The following NALCN variants were observed in gnomAD, a reference collection of about 807,000 sequenced individuals.
NALCN encodes sodium leak channel NALCN.
A neutral mutation model predicts 225.3 loss-of-function variants in NALCN; 111 were observed. The observed-to-expected ratio is 0.49, with a 90% CI of 0.42 to 0.58. The LOEUF (loss-of-function observed/expected upper bound fraction) is 0.58, where lower values mean the gene tolerates loss of function less well. Among genes scored for constraint, NALCN ranks in the 20% least tolerant of loss-of-function variants. The pLI, the probability that NALCN is intolerant of heterozygous loss-of-function variation, is 0.00. For missense variants in NALCN, 1,378 were observed against 2,202.4 expected (o/e 0.63, Z 7.49); for synonymous variants, 764 against 769.0 (o/e 0.99, Z 0.11).
chr13:101,187,296 G>C, intron 14 of NALCN, among the ~76,000 whole-genome samples: 1 of 152,084 alleles, frequency 6.6e-6, no homozygotes, highest in East Asian at 1.9e-4. Context: ...AAAACACATA[G>C]TATATATAGG....
At chr13:101,156,320 T>C (rs1274965347) in intron 15 of NALCN, among the ~76,000 whole-genome samples, 3 of 152,182 alleles carry the variant, frequency 2.0e-5, no homozygotes, top group Non-Finnish European at 2.9e-5. Context: ...ACTTGTTTTA[T>C]TGGAGAATGT....
chr13:101,119,876 T>A (rs1238390272), intron 18 of NALCN, among the ~76,000 whole-genome samples: 1 of 152,226 alleles, frequency 6.6e-6, no homozygotes, highest in East Asian at 1.9e-4. Flanking sequence ...AAGTGAATCA[T>A]CTGCATTTTA....
Position 101,271,535 on chromosome 13 carries a change from C to T in NALCN, c.1134+12398G>A, listed in dbSNP as rs549171042. Among the ~76,000 whole-genome samples the T allele has an allele frequency of 9.4e-4, 142 of 151,580 alleles. 1 individual carries two copies. Among genetic ancestry groups the T allele is most frequent in the African/African-American group, 3.3e-3 (135 of 41,126 alleles). ...TAACCATTTTTATATTCACTTTTTC[C>T]TACAAACTTTTCCTCCAAGCAGTTG... is the stretch of plus-strand genomic sequence containing the variant. On this transcript the variant is annotated intron_variant, in intron 10 of 43. Transcript: ENST00000251127.
At chr13:101,192,719 C>T (rs1026841547) in intron 13 of NALCN, among the ~76,000 whole-genome samples, 1 of 152,112 alleles carries the variant, frequency 6.6e-6, no homozygotes, top group Non-Finnish European at 1.5e-5. Context: ...CCAACAAAGG[C>T]CAGCCAAGCT....
chr13:101,380,858 ACACAC>A (rs2046828693), intron 3 of NALCN, among the ~76,000 whole-genome samples: 1 of 23,182 alleles, frequency 4.3e-5, no homozygotes, highest in Admixed American at 3.3e-4. Context: ...TGCCTAGCTA[ACACAC>A]ACACACACAC....
intron 9 of NALCN, among the ~76,000 whole-genome samples, chr13:101,284,689 C>T (rs2139011371): frequency 6.6e-6 from 1 of 152,272 alleles, no homozygotes; most frequent in East Asian, 1.9e-4. Context: ...ATGAAGGGAA[C>T]AAGTAGTTTC....
chr13:101,300,228 G>A (rs2043902926), intron 7 of NALCN, among the ~76,000 whole-genome samples: 1 of 152,024 alleles, frequency 6.6e-6, no homozygotes, highest in South Asian at 2.1e-4. Flanking sequence ...TTACTTGGGA[G>A]GATGTTACCA....
chr13:101,159,994 G>A lies in NALCN; in HGVS notation c.1840-15098C>T, dbSNP rs371700701. Reference sequence around the variant, plus strand: ...TTTTGAGACGGAGTCTCATTCTGTCGCCCAGGCTGAAGTGCAGCGGTGCGA... The same window carrying A: ...TTTTGAGACGGAGTCTCATTCTGTCACCCAGGCTGAAGTGCAGCGGTGCGA... On this transcript the variant is annotated intron_variant, in intron 15 of 43. Coordinates refer to ENST00000251127, the MANE Select transcript of NALCN (RefSeq NM_052867.4). Among the ~76,000 whole-genome samples the A allele has an allele frequency of 1.1e-4, 17 of 151,274 alleles. 1 individual carries two copies. Among genetic ancestry groups the A allele is most frequent in the South Asian group, 2.1e-4 (1 of 4,764 alleles).
intron 1 of NALCN, among the ~76,000 whole-genome samples, chr13:101,414,981 C>G (rs1486970028): frequency 6.6e-6 from 1 of 151,704 alleles, no homozygotes; most frequent in Non-Finnish European, 1.5e-5. Flanking sequence ...AAAATCGACT[C>G]TAGAAAAGCA....
intron 9 of NALCN, among the ~76,000 whole-genome samples, chr13:101,286,962 A>G (rs1316984644): frequency 6.6e-6 from 1 of 152,086 alleles, no homozygotes; most frequent in Non-Finnish European, 1.5e-5. Flanking sequence ...ATATCTTCAC[A>G]TCAATAAAGT....
At chr13:101,182,279 T>A (rs1183729084) in intron 14 of NALCN, among the ~76,000 whole-genome samples, 1 of 152,004 alleles carries the variant, frequency 6.6e-6, no homozygotes, top group Non-Finnish European at 1.5e-5. Context: ...CCAGCTGCAC[T>A]GACTCCTCAA....
chr13:101,142,256 C>T (rs1314202465), intron 17 of NALCN, among the ~76,000 whole-genome samples: 1 of 149,556 alleles, frequency 6.7e-6, no homozygotes, highest in Non-Finnish European at 1.5e-5. Context: ...ATTCTCCTGC[C>T]TCAGCCTCCC....
intron 7 of NALCN, among the ~76,000 whole-genome samples, chr13:101,310,240 C>A (rs527548595): frequency 6.6e-6 from 1 of 152,298 alleles, no homozygotes; most frequent in Non-Finnish European, 1.5e-5. Context: ...GGCTTTCCAT[C>A]TCATTTAAAA....
At chr13:101,059,618 C>A (rs1380133717) in intron 42 of NALCN, among the ~76,000 whole-genome samples, 200 bp downstream of exon 42, 1 of 150,642 alleles carries the variant, frequency 6.6e-6, no homozygotes, top group Non-Finnish European at 1.5e-5. Flanking sequence ...ATAACCTCAA[C>A]TGCATCCAAG....
At chr13:101,359,030 G>A (rs1300650351) in intron 6 of NALCN, among the ~76,000 whole-genome samples, 1 of 152,052 alleles carries the variant, frequency 6.6e-6, no homozygotes, top group East Asian at 1.9e-4. Context: ...TCTGTCGCGG[G>A]GTGAGGGGCA....
At chr13:101,217,363 A>G (rs866697778) in intron 13 of NALCN, among the ~76,000 whole-genome samples, 1 of 152,190 alleles carries the variant, frequency 6.6e-6, no homozygotes. Context: ...GAACTGTTGC[A>G]TATTGCCTTA....
intron 37 of NALCN, among the ~76,000 whole-genome samples, chr13:101,069,729 T>A (rs978108403): frequency 6.6e-6 from 1 of 152,186 alleles, no homozygotes; most frequent in Non-Finnish European, 1.5e-5. Flanking sequence ...ATCGAGTAAT[T>A]TTATGTAACA....
chr13:101,136,516 C>T (rs534106178), intron 17 of NALCN, among the ~76,000 whole-genome samples: 19 of 149,536 alleles, frequency 1.3e-4, no homozygotes, highest in African/African-American at 4.7e-4. Context: ...CAAGTGTTCT[C>T]ATTGTTCAGT....
intron 3 of NALCN, among the ~76,000 whole-genome samples, chr13:101,391,431 C>T (rs1379337123): frequency 6.6e-6 from 1 of 152,140 alleles, no homozygotes; most frequent in African/African-American, 2.4e-5. Flanking sequence ...GCCTGTAATC[C>T]CAGCACTTTG....
Sources: gnomAD v4.1 joint callset for allele counts (sites outside exome capture counted in the v4.1 genomes callset) on GRCh38, gnomAD v4.1.1 for gene constraint, MANE v1.5 for transcripts, NCBI Gene and HGNC (gene_info 2026-07-23, HGNC 2026-07-21) for gene names.